SLC12A2: variants seen among roughly 807,000 people sequenced by gnomAD.
The protein encoded by SLC12A2 is solute carrier family 12 member 2, also known as Na-K-2Cl cotransporter 1.
A neutral mutation model predicts 136.3 loss-of-function variants in SLC12A2; 67 were observed. The observed-to-expected ratio is 0.49, with a 90% CI of 0.40 to 0.60. The LOEUF (loss-of-function observed/expected upper bound fraction) is 0.60. Among genes scored for constraint, SLC12A2 ranks in the 20% least tolerant of loss-of-function variants. The probability of loss-of-function intolerance (pLI) is 0.00; values close to 1 mark genes in which losing one functional copy is unlikely to be tolerated. For synonymous variants in SLC12A2, 619 were observed against 562.9 expected, an observed-to-expected ratio of 1.10 and a Z score of -1.41; for missense variants, 1,322 against 1,534.7, an observed-to-expected ratio of 0.86 and a Z score of 2.32.
intron 1 of SLC12A2, among the ~76,000 whole-genome samples, chr5:128,099,219 ATGG>A (rs1181890767): frequency 1.3e-5 from 2 of 152,294 alleles, no homozygotes; most frequent in Non-Finnish European, 2.9e-5. Context: ...CCTAGGCTAT[ATGG>A]TGTAGCCTGT....
In SLC12A2 at chr5:128,096,980, C is replaced by T. The variant is rs189438958; in HGVS notation, c.756+12270C>T. 1.3e-4 allele frequency among the ~76,000 whole-genome samples: 20 copies of T among 152,168 alleles called. No individual in the cohort carries two copies. The East Asian group carries it at 3.7e-3, about 28-fold the overall frequency. Reference sequence around the variant, plus strand: ...TGAATTTCAATCATTATAACATCTTCATCTAGCATAAATGCTAAGGAAATT... The same window carrying T: ...TGAATTTCAATCATTATAACATCTTTATCTAGCATAAATGCTAAGGAAATT... On this transcript the variant is annotated intron_variant, in intron 1 of 26. Transcript: ENST00000262461.
intron 6 of SLC12A2, among the ~76,000 whole-genome samples, chr5:128,134,646 C>T (rs1762129162): frequency 6.6e-6 from 1 of 151,914 alleles, no homozygotes; most frequent in South Asian, 2.1e-4. Flanking sequence ...AAGTTATTGC[C>T]CACATGAGGT....
At chr5:128,161,925 T>C in intron 17 of SLC12A2, 125 bp downstream of exon 17, 1 of 598,650 alleles carries the variant, frequency 1.7e-6, no homozygotes, top group Non-Finnish European at 2.5e-6. Flanking sequence ...ATGTCTTTAT[T>C]AAAGTAAACT....
intron 10 of SLC12A2, among the ~76,000 whole-genome samples, chr5:128,145,593 C>G (rs1418141668): frequency 6.6e-6 from 1 of 152,042 alleles, no homozygotes; most frequent in African/African-American, 2.4e-5. Flanking sequence ...CAGATTTTCT[C>G]CCCACTCTTA....
chr5:128,146,579 C>G (rs1762532079), intron 10 of SLC12A2, among the ~76,000 whole-genome samples: 1 of 149,928 alleles, frequency 6.7e-6, no homozygotes, highest in Admixed American at 6.7e-5. Flanking sequence ...AATGTTTGAA[C>G]ATGTACACAG....
intron 2 of SLC12A2, among the ~76,000 whole-genome samples, chr5:128,113,401 G>T (rs1046745044): frequency 5.3e-5 from 8 of 152,174 alleles, no homozygotes; most frequent in Non-Finnish European, 1.2e-4. Flanking sequence ...ATACTTAAAT[G>T]TTGAGTTCAC....
rs552797043 is a variant in SLC12A2, at chr5:128,166,244, A to G, written c.2617-1517A>G. On this transcript the variant is annotated intron_variant, in intron 17 of 26. Coordinates refer to ENST00000262461, the MANE Select transcript of SLC12A2 (RefSeq NM_001046.3). The stretch of plus-strand genomic sequence containing the variant: ...GACCTCACACTATATATAAAAGTTA[A>G]ATTAGTGACATAAATATGAGAGCAA... Among the ~76,000 whole-genome samples the G allele has an allele frequency of 2.6e-5, 4 of 152,280 alleles. No individual in the cohort carries two copies. The South Asian group carries it at 8.3e-4, about 32-fold the overall frequency.
At chr5:128,170,172 T>C (rs972925296) in intron 18 of SLC12A2, 3 of 152,244 alleles carry the variant, frequency 2.0e-5, no homozygotes, top group African/African-American at 7.2e-5. Context: ...AAAACATTTA[T>C]TTGTTTTAAT....
At chr5:128,164,193 C>T (rs564922321) in intron 17 of SLC12A2, among the ~76,000 whole-genome samples, 2 of 152,224 alleles carry the variant, frequency 1.3e-5, no homozygotes, top group South Asian at 2.1e-4. Context: ...GAGGGCCCAG[C>T]GTTTGCACTT....
intron 1 of SLC12A2, among the ~76,000 whole-genome samples, chr5:128,097,624 G>A (rs1250364583): frequency 6.6e-6 from 1 of 151,682 alleles, no homozygotes; most frequent in East Asian, 1.9e-4. Flanking sequence ...ATTTTTTAGT[G>A]GTTACTTTGA....
At chr5:128,137,710 G>A (rs10519974) in intron 7 of SLC12A2, among the ~76,000 whole-genome samples, 10 of 151,928 alleles carry the variant, frequency 6.6e-5, no homozygotes, top group African/African-American at 1.2e-4. Flanking sequence ...ACAGTTAGTC[G>A]GTTATCTTAG....
intron 21 of SLC12A2, among the ~76,000 whole-genome samples, chr5:128,178,124 C>CT (rs1419349107): frequency 1.3e-5 from 2 of 152,142 alleles, no homozygotes; most frequent in African/African-American, 2.4e-5. Flanking sequence ...CAGATAACAA[C>CT]TTTGTCTTTT....
chr5:128,110,735 G>A (rs893309964), intron 1 of SLC12A2: 8 of 1,457,500 alleles, frequency 5.5e-6, no homozygotes, highest in South Asian at 3.4e-5. Flanking sequence ...AGCAACCTGA[G>A]CGATCTGCTA....
chr5:128,142,521 C>A (rs1762404062), intron 10 of SLC12A2, among the ~76,000 whole-genome samples: 1 of 152,008 alleles, frequency 6.6e-6, no homozygotes, highest in Non-Finnish European at 1.5e-5. Context: ...GCTTTTATAA[C>A]AGCATGTAAT....
chr5:128,127,820 G>A (rs1761873915), intron 4 of SLC12A2, among the ~76,000 whole-genome samples: 2 of 151,382 alleles, frequency 1.3e-5, no homozygotes. Context: ...CTTTGTTCTT[G>A]ATTAGCTATT....
chr5:128,084,696 G>C lies in SLC12A2; in HGVS notation c.742G>C (p.Asp248His), dbSNP rs1437135726. ...LLRPSLAELHDELEKEPFEDG... is the reference protein window; with the variant it reads ...LLRPSLAELHHELEKEPFEDG... Reference sequence around the variant, plus strand: ...CCGGCCTAGCCTGGCGGAGCTCCACGACGAGCTGGAAAAGGTGAGCTCGCC... The same window carrying C: ...CCGGCCTAGCCTGGCGGAGCTCCACCACGAGCTGGAAAAGGTGAGCTCGCC... The change falls in exon 1 of 27, where the codon GAC (aspartate) becomes CAC (histidine). Residue 248 changes from aspartate (D) to histidine (H), a missense_variant. By Grantham distance (81) the Asp-to-His change is moderately conservative. Around this residue, in one of 8 missense-constraint regions of SLC12A2, gnomAD observed 59 missense variants for 51.5 expected, o/e 1.15. Transcript: ENST00000262461. This position sits in a 1 kb window ranked among gnomAD's most constrained non-coding sequence, Gnocchi z 5.6. 3.8e-6 allele frequency: 6 copies of C among 1,599,448 alleles called. No homozygotes were observed. Among genetic ancestry groups the C allele is most frequent in the Non-Finnish European group, 5.1e-6 (6 of 1,171,842 alleles).
At chr5:128,092,572 G>A (rs554841121) in intron 1 of SLC12A2, among the ~76,000 whole-genome samples, 11 of 152,170 alleles carry the variant, frequency 7.2e-5, no homozygotes, top group Non-Finnish European at 1.3e-4. Flanking sequence ...ATAATATACC[G>A]TATTTTATTT....
chr5:128,130,993 T>C, intron 4 of SLC12A2, 74 bp from the exon 5 acceptor site: 1 of 1,413,498 alleles, frequency 7.1e-7, no homozygotes, highest in Non-Finnish European at 9.9e-7. Context: ...AATTCATGTA[T>C]AATTAAAGGA....
rs1401311675 is a variant in SLC12A2, at chr5:128,135,793, T to A, written c.1393T>A (p.Phe465Ile). The change falls in exon 7 of 27, where the codon TTT becomes ATT. Residue 465 changes from phenylalanine to isoleucine, a missense_variant. This residue lies in a region of SLC12A2 where 110 missense variants were observed against 114.5 expected (regional missense o/e 0.96). Coordinates refer to ENST00000262461, the MANE Select transcript of SLC12A2 (RefSeq NM_001046.3). ...ACTGGAGAGCAAGAAGCCAAAAGGG[T>A]TTTTTGGTTATAAATGTAAGTAAAA... ...IPLESKKPKG[F>I]FGYKSEIFNE... 2 of 1,594,068 alleles carry A rather than the reference T, an allele frequency of 1.3e-6. No individual in the cohort carries two copies. The highest frequency in any genetic ancestry group is 2.7e-5 in the African/African-American group (2 of 74,500).
Sources: allele counts gnomAD v4.1 joint callset (sites outside exome capture counted in the v4.1 genomes callset), GRCh38; gene constraint gnomAD v4.1.1; regional missense constraint gnomAD v4.1.1; non-coding constraint Gnocchi (gnomAD v3.1); transcripts MANE v1.5; gene names NCBI Gene and HGNC (gene_info 2026-07-23, HGNC 2026-07-21).